Variants in NAGLU observed in about 807,000 individuals in gnomAD.
NAGLU encodes N-acetyl-alpha-glucosaminidase.
NAGLU carries 34 observed loss-of-function variants against 43.4 expected under a neutral mutation model. The observed-to-expected ratio is 0.78, with a 90% CI of 0.60 to 1.04. The LOEUF (loss-of-function observed/expected upper bound fraction) is 1.04, where lower values mean the gene tolerates loss of function less well. Among genes scored for constraint, NAGLU ranks in the 50% least tolerant of loss-of-function variants. The pLI, the probability that NAGLU is intolerant of heterozygous loss-of-function variation, is 0.00. For synonymous variants in NAGLU, 425 were observed against 437.6 expected, an observed-to-expected ratio of 0.97 and a Z score of 0.36; for missense variants, 910 against 993.7, an observed-to-expected ratio of 0.92 and a Z score of 1.13.
intron 3 of NAGLU, 64 bp downstream of exon 3, chr17:42,538,549 G>C: frequency 1.2e-6 from 2 of 1,613,186 alleles, no homozygotes; most frequent in Non-Finnish European, 1.7e-6. Context: ...CAGGAAGGGT[G>C]GTATTAGGCC....
intron 2 of NAGLU, 81 bp from the exon 3 acceptor site, chr17:42,538,258 G>T: frequency 6.2e-7 from 1 of 1,605,438 alleles, no homozygotes; most frequent in Non-Finnish European, 8.5e-7. Flanking sequence ...GCACAAAGAA[G>T]CAATGAGTGA....
intron 2 of NAGLU, 98 bp from the exon 3 acceptor site, chr17:42,538,241 G>C (rs1817650184): frequency 6.3e-7 from 1 of 1,587,586 alleles, no homozygotes. Flanking sequence ...AGTAGCCCTA[G>C]CACCCAGCAC....
intron 5 of NAGLU, 100 bp downstream of exon 5, chr17:42,541,306 C>A: frequency 1.3e-6 from 2 of 1,481,836 alleles, no homozygotes; most frequent in Non-Finnish European, 1.8e-6. Context: ...AATAATGCCT[C>A]GCCATAACAC....
At chr17:42,536,886 A>T (rs574910394) in intron 1 of NAGLU, 15 of 860,176 alleles carry the variant, frequency 1.7e-5, no homozygotes, top group Non-Finnish European at 2.5e-5. Context: ...GAGGATTTGC[A>T]CGATGATGGG....
At chr17:42,538,584 G>C in intron 3 of NAGLU, 86 bp from the exon 4 acceptor site, 1 of 1,611,470 alleles carries the variant, frequency 6.2e-7, no homozygotes, top group Non-Finnish European at 8.5e-7. Context: ...TAACTGAGGC[G>C]GGGGGCTGCG....
rs1476523512 is a variant in NAGLU at position 42,540,884 on chromosome 17, T to C, written c.765-66T>C. 8 of 1,612,820 alleles carry C rather than the reference T, an allele frequency of 5.0e-6. No homozygotes were observed. The African/African-American group carries it at 8.0e-5, about 16-fold the overall frequency. ...GGAGCTGTAGAGAAGTTGGCAAGGC[T>C]GTTGAACACTATGGTGAACACTATG... On this transcript the variant is annotated intron_variant, in intron 4 of 5. Transcript: ENST00000225927.
Position 42,536,515 on chromosome 17 carries a change from G to C in NAGLU, c.243G>C (p.Thr81=). ...CGCGCGTGCGGGTGCGCGGCTCCAC[G>C]GGCGTGGCGGCCGCCGCGGGGCTGC... ...GAARVRVRGS[T]GVAAAAGLHR... Residue 81 remains threonine, a synonymous_variant, in exon 1 of 6, where the codon ACG becomes ACC. Coordinates refer to ENST00000225927, the MANE Select transcript of NAGLU (RefSeq NM_000263.4). 5 of 1,273,450 alleles carry C rather than the reference G, an allele frequency of 3.9e-6. No homozygotes were observed. The highest frequency in any genetic ancestry group is 4.9e-6 in the Non-Finnish European group (5 of 1,012,900). 78.9% of individuals were successfully genotyped at this position (1,273,450 alleles called of 1,614,324 possible). A position where few individuals can be genotyped will look rare whatever the true frequency, so the allele number is the denominator to read the frequency against.
At chr17:42,540,740 A>G (rs111281697) in intron 4 of NAGLU, among the ~76,000 whole-genome samples, 27 of 151,658 alleles carry the variant, frequency 1.8e-4, no homozygotes, top group African/African-American at 5.8e-4. Context: ...TGCTTGTTTC[A>G]GGCCACAGGA....
At chr17:42,536,763 G>A in intron 1 of NAGLU, 108 bp downstream of exon 1, 2 of 1,338,874 alleles carry the variant, frequency 1.5e-6, no homozygotes, top group South Asian at 1.8e-5. Context: ...GGAAGGCCCA[G>A]CTGCGCCGCC....
rs61661047 is a variant in NAGLU, at chr17:42,541,306, C to T, written c.1021+100C>T. 15,430 of 1,481,798 alleles carry T rather than the reference C, an allele frequency of 0.01. 1,384 individuals carry two copies. The African/African-American group carries it at 0.19, about 18-fold the overall frequency. 91.8% of individuals were successfully genotyped at this position (1,481,798 alleles called of 1,614,324 possible). On this transcript the variant is annotated intron_variant, in intron 5 of 5. Coordinates refer to ENST00000225927, the MANE Select transcript of NAGLU (RefSeq NM_000263.4). Reference sequence around the variant, plus strand: ...AGGCAGAGGGACTGGAATAATGCCTCGCCATAACACACAGTACTTCATAGT... The same window carrying T: ...AGGCAGAGGGACTGGAATAATGCCTTGCCATAACACACAGTACTTCATAGT...
intron 1 of NAGLU, 87 bp from the exon 2 acceptor site, chr17:42,537,311 C>T: frequency 6.3e-7 from 1 of 1,594,506 alleles, no homozygotes. Flanking sequence ...CCCCTCCCCT[C>T]TCCTCTAGGT....
intron 2 of NAGLU, among the ~76,000 whole-genome samples, chr17:42,537,874 A>AC (rs1365089305): frequency 6.6e-6 from 1 of 151,836 alleles, no homozygotes; most frequent in African/African-American, 2.4e-5. Context: ...AAAAAAAAAA[A>AC]AAAAAACTGA....
Position 42,537,555 on chromosome 17 carries a change from C to T in NAGLU, c.531+10C>T, listed in dbSNP as rs373999016. On this transcript the variant is annotated intron_variant, in intron 2 of 5. Transcript: ENST00000225927. Reference sequence around the variant, plus strand: ...GGCCATCTGGCAGCGGGTGCGTGCCCACTGTCCCTTCCCCACCCTCCTCTA... The same window carrying T: ...GGCCATCTGGCAGCGGGTGCGTGCCTACTGTCCCTTCCCCACCCTCCTCTA... The T allele has an allele frequency of 1.1e-5, 17 of 1,613,188 alleles. No homozygotes were observed. The highest frequency in any genetic ancestry group is 1.7e-4 in the Middle Eastern group (1 of 5,962).
chr17:42,543,549 A>AG lies in NAGLU; in HGVS notation c.1544dup (p.Ser515ArgfsTer21). 6.2e-7 allele frequency: 1 copy of AG among 1,610,862 alleles called. No homozygotes were observed. Among genetic ancestry groups the AG allele is most frequent in the Non-Finnish European group, 8.5e-7 (1 of 1,179,376 alleles). ...GGAGGCCTGCAGGGGCCACAATCGT[A>AG]GCCCGCTGGTCAGGCGGCCGTCCCT... is the stretch of plus-strand genomic sequence containing the variant. On this transcript the variant is annotated frameshift_variant, in exon 6 of 6. Coordinates refer to ENST00000225927, the MANE Select transcript of NAGLU (RefSeq NM_000263.4). LOFTEE classifies it low-confidence loss of function (END_TRUNC).
rs1267672427 is a variant in NAGLU at position 42,537,213 on chromosome 17, C to T, written c.384-185C>T. ...GAGGGCCCTGGGAGAGTGCAGGGGACGAGTGCCTCAGAAGCCCAGCCCCGG... is the reference window on the plus strand; with the variant it reads ...GAGGGCCCTGGGAGAGTGCAGGGGATGAGTGCCTCAGAAGCCCAGCCCCGG... On this transcript the variant is annotated intron_variant, in intron 1 of 5. Coordinates refer to ENST00000225927, the MANE Select transcript of NAGLU (RefSeq NM_000263.4). The T allele has an allele frequency of 8.8e-6, 7 of 792,640 alleles. 1 individual carries two copies. Among genetic ancestry groups the T allele is most frequent in the South Asian group, 3.2e-5 (2 of 62,754 alleles). The allele number at this position is 792,640 out of a possible 1,614,324, so 49.1% of individuals were successfully genotyped here.
chr17:42,543,998 G>A lies in NAGLU; in HGVS notation c.1992G>A (p.Ala664=), dbSNP rs748402226. The change falls in exon 6 of 6, where the codon GCG becomes GCA. Residue 664 remains alanine, a synonymous_variant. Transcript: ENST00000225927. The stretch of plus-strand genomic sequence containing the variant: ...TGGACTATGCCAACAAGCAGCTGGC[G>A]GGGTTGGTGGCCAACTACTACACCC... The part of the protein sequence containing the change: ...NILDYANKQL[A]GLVANYYTPR... 1.1e-5 allele frequency: 17 copies of A among 1,610,612 alleles called. No individual in the cohort carries two copies. The highest frequency in any genetic ancestry group is 2.2e-5 in the South Asian group (2 of 90,430).
At chr17:42,540,636 CAGTGAGCTGAGA>C (rs2092918977) in intron 4 of NAGLU, among the ~76,000 whole-genome samples, 1 of 147,364 alleles carries the variant, frequency 6.8e-6, no homozygotes, top group African/African-American at 2.5e-5. Context: ...GCAGAGCTTG[CAGTGAGCTGAGA>C]ATGCGCCACT....
In NAGLU at chr17:42,538,775, C is replaced by T; in HGVS notation, c.764+20C>T. The T allele has an allele frequency of 6.2e-7, 1 of 1,611,714 alleles. No homozygotes were observed. The highest frequency in any genetic ancestry group is 8.5e-7 in the Non-Finnish European group (1 of 1,178,372). On this transcript the variant is annotated intron_variant, in intron 4 of 5. Coordinates refer to ENST00000225927, the MANE Select transcript of NAGLU (RefSeq NM_000263.4). ...CACCAGGTGAGGTTCCGCTCACCCC[C>T]TCCACTTAGCTCAGAGAGGGAATTT...
rs149859697 is a variant in NAGLU at position 42,538,349 on chromosome 17, C to A, written c.542C>A (p.Ala181Asp). 39 of 1,614,150 alleles carry A rather than the reference C, an allele frequency of 2.4e-5. No homozygotes were observed. The highest frequency in any genetic ancestry group is 6.8e-6 in the Non-Finnish European group (8 of 1,180,060). The change falls in exon 3 of 6, where the codon GCC (alanine) becomes GAC (aspartate). Residue 181 changes from alanine to aspartate, a missense_variant. Coordinates refer to ENST00000225927, the MANE Select transcript of NAGLU (RefSeq NM_000263.4). ...QEAIWQRVYL[A>D]LGLTQAEINE... is the part of the protein sequence containing the mutation. ...GCCCTTCTTCCTCAGGTGTACCTGG[C>A]CTTGGGCCTGACCCAGGCAGAGATC...
Sources: gnomAD v4.1 joint callset for allele counts (sites outside exome capture counted in the v4.1 genomes callset) on GRCh38, gnomAD v4.1.1 for gene constraint, MANE v1.5 for transcripts, NCBI Gene and HGNC (gene_info 2026-07-23, HGNC 2026-07-21) for gene names.